The following SOAT1 variants were observed in gnomAD, a reference collection of about 807,000 sequenced individuals.
The protein encoded by SOAT1 is sterol O-acyltransferase 1, also known as acyl-coenzyme A:cholesterol acyltransferase 1.
In SOAT1, 55 loss-of-function variants were observed where a neutral mutation model predicts 69.5. That is an observed-to-expected ratio of 0.79 (90% confidence interval 0.64 to 0.99). The LOEUF (loss-of-function observed/expected upper bound fraction) is 0.99. Among genes scored for constraint, SOAT1 ranks in the 50% least tolerant of loss-of-function variants. The pLI, the probability that SOAT1 is intolerant of heterozygous loss-of-function variation, is 0.00. For synonymous variants in SOAT1, 231 were observed against 224.7 expected (o/e 1.03, Z -0.25); for missense variants, 580 against 669.3 (o/e 0.87, Z 1.47).
rs1666362514 is a variant in SOAT1, at chr1:179,342,212, C to G, written c.859+20C>G. ...AATCAAGTATGTAATTTCTTTTGTT[C>G]ATTATTTCTTCCTCCCCTCCCCTCC... On this transcript the variant is annotated intron_variant, in intron 8 of 15. Transcript: ENST00000367619. The G allele has an allele frequency of 1.3e-6, 2 of 1,593,882 alleles. No homozygotes were observed. Among genetic ancestry groups the G allele is most frequent in the Non-Finnish European group, 1.7e-6 (2 of 1,163,898 alleles).
chr1:179,312,757 A>G (rs929894331), intron 2 of SOAT1, among the ~76,000 whole-genome samples: 9 of 152,142 alleles, frequency 5.9e-5, no homozygotes, highest in African/African-American at 2.2e-4. Context: ...ATTTCTCTCT[A>G]AAGAGTTCTC....
intron 1 of SOAT1, among the ~76,000 whole-genome samples, chr1:179,298,098 A>G (rs1664713371): frequency 1.5e-5 from 2 of 136,758 alleles, no homozygotes; most frequent in Non-Finnish European, 3.1e-5. Context: ...AGGATGTTTG[A>G]AGGGGTTTAA....
At chr1:179,312,669 T>C (rs1476338505) in intron 2 of SOAT1, among the ~76,000 whole-genome samples, 1 of 152,200 alleles carries the variant, frequency 6.6e-6, no homozygotes, top group Admixed American at 6.5e-5. Flanking sequence ...CTTCAGGAGA[T>C]CTAAGAGCAG....
chr1:179,335,226 G>A (rs373404190), intron 3 of SOAT1, among the ~76,000 whole-genome samples: 20 of 151,962 alleles, frequency 1.3e-4, no homozygotes, highest in South Asian at 4.2e-4. Context: ...CAGTGGTGGC[G>A]CACACCTGTG....
chr1:179,351,122 C>T (rs1203514692), intron 14 of SOAT1, among the ~76,000 whole-genome samples, 195 bp from the exon 15 acceptor site: 1 of 148,016 alleles, frequency 6.8e-6, no homozygotes, highest in Admixed American at 6.9e-5. Context: ...CAGCTCACTG[C>T]AACCTCTGCC....
rs182601010 is a variant in SOAT1 at position 179,357,711 on chromosome 1, T to C, written c.*4070T>C. On this transcript the variant is annotated 3_prime_UTR_variant, in exon 16 of 16. Coordinates refer to ENST00000367619, the MANE Select transcript of SOAT1 (RefSeq NM_003101.6). ...AAGTTTGAGACCAGCCTGGGCAACA[T>C]AGCAAAACCTTGTCACTATAAAAAA... 1.4e-4 allele frequency: 21 copies of C among 152,278 alleles called. No homozygotes were observed. The highest frequency in any genetic ancestry group is 4.8e-4 in the African/African-American group (20 of 41,510). The allele number at this position is 152,278 out of a possible 1,614,324, so 9.4% of individuals were successfully genotyped here. A position where few individuals can be genotyped will look rare whatever the true frequency, so the allele number is the denominator to read the frequency against.
At chr1:179,301,439 G>A (rs1192129067) in intron 1 of SOAT1, among the ~76,000 whole-genome samples, 4 of 152,106 alleles carry the variant, frequency 2.6e-5, no homozygotes, top group African/African-American at 7.2e-5. Context: ...AGTAGTTAGT[G>A]GTCTTTGTAG....
chr1:179,310,691 G>A (rs1665192955), intron 2 of SOAT1, among the ~76,000 whole-genome samples: 1 of 152,222 alleles, frequency 6.6e-6, no homozygotes, highest in Admixed American at 6.5e-5. Context: ...GGAGAACAAA[G>A]TGAAGCTGAA....
chr1:179,297,906 G>T (rs1664706545), intron 1 of SOAT1, among the ~76,000 whole-genome samples: 1 of 151,142 alleles, frequency 6.6e-6, no homozygotes, highest in Non-Finnish European at 1.5e-5. Context: ...AGAGGCTGAG[G>T]CAGGAGAATC....
intron 1 of SOAT1, among the ~76,000 whole-genome samples, chr1:179,302,202 C>T (rs561211785): frequency 6.6e-6 from 1 of 152,182 alleles, no homozygotes; most frequent in African/African-American, 2.4e-5. Flanking sequence ...ATGATTAATG[C>T]AAAAGGAAGA....
At chr1:179,301,557 G>A (rs1356527245) in intron 1 of SOAT1, among the ~76,000 whole-genome samples, 1 of 152,146 alleles carries the variant, frequency 6.6e-6, no homozygotes, top group Non-Finnish European at 1.5e-5. Context: ...CTGGGGCTGT[G>A]GTGTGCATTC....
rs1434969946 is a variant in SOAT1, at chr1:179,348,906, C to T, written c.1278C>T (p.Asp426=). ...GAACCTGGAATGTGGTGGTCCATGA[C>T]TGGCTATATTACTATGCTTACAAGG... The part of the protein sequence containing the change: ...YYRTWNVVVH[D]WLYYYAYKDF... Residue 426 remains aspartate (D), a synonymous_variant, in exon 13 of 16, where the codon GAC becomes GAT. Transcript: ENST00000367619. 2 of 1,609,360 alleles carry T rather than the reference C, an allele frequency of 1.2e-6. No individual in the cohort carries two copies. The highest frequency in any genetic ancestry group is 1.3e-5 in the African/African-American group (1 of 74,706).
intron 2 of SOAT1, among the ~76,000 whole-genome samples, chr1:179,315,681 CTG>C (rs1263366438): frequency 3.9e-5 from 6 of 152,176 alleles, no homozygotes; most frequent in Admixed American, 3.9e-4. Flanking sequence ...TTCAGAGACT[CTG>C]TGAACAAATC....
chr1:179,351,372 G>C lies in SOAT1; in HGVS notation c.1506G>C (p.Leu502=), dbSNP rs149504397. 1 of 1,614,036 alleles carries C rather than the reference G, an allele frequency of 6.2e-7. No homozygotes were observed. Among genetic ancestry groups the C allele is most frequent in the East Asian group, 2.2e-5 (1 of 44,884 alleles). ...GGAAAAAGCCGATTTGGAATGTTCT[G>C]ATGTGGACTTCTCTTTTCTTGGGCA... is the stretch of plus-strand genomic sequence containing the variant. The part of the protein sequence containing the change: ...DSRKKPIWNV[L]MWTSLFLGNG... Residue 502 remains leucine, a synonymous_variant, in exon 15 of 16, where the codon CTG becomes CTC. Coordinates refer to ENST00000367619, the MANE Select transcript of SOAT1 (RefSeq NM_003101.6).
intron 14 of SOAT1, among the ~76,000 whole-genome samples, chr1:179,351,049 T>C (rs1666711070): frequency 5.3e-5 from 3 of 56,456 alleles, no homozygotes; most frequent in African/African-American, 7.1e-5. Flanking sequence ...TTTTTTTTTT[T>C]TTTTTTTTTT....
intron 2 of SOAT1, among the ~76,000 whole-genome samples, chr1:179,306,311 A>G (rs1436702473): frequency 6.6e-6 from 1 of 152,190 alleles, no homozygotes; most frequent in Non-Finnish European, 1.5e-5. Context: ...CAGGAGGACA[A>G]AAGTGGCTCT....
intron 1 of SOAT1, among the ~76,000 whole-genome samples, chr1:179,299,174 G>T: frequency 6.6e-6 from 1 of 152,152 alleles, no homozygotes; most frequent in African/African-American, 2.4e-5. Context: ...AACTTCAGAG[G>T]GTGAGTTGGA....
rs1361123692 is a variant in SOAT1, at chr1:179,293,848, C to G, written c.-97C>G. ...GGCCCTGGGCGCCAGGAGAGCTTCC[C>G]GGAGTCGACCTTCCTGCTGGCTGCT... On this transcript the variant is annotated 5_prime_UTR_variant, in exon 1 of 16. Transcript: ENST00000367619. 1.3e-5 allele frequency: 2 copies of G among 152,476 alleles called. No individual in the cohort carries two copies. Among genetic ancestry groups the G allele is most frequent in the Admixed American group, 6.5e-5 (1 of 15,292 alleles). 9.4% of individuals were successfully genotyped at this position (152,476 alleles called of 1,614,324 possible).
chr1:179,298,366 A>G (rs981866396), intron 1 of SOAT1, among the ~76,000 whole-genome samples: 7 of 152,146 alleles, frequency 4.6e-5, no homozygotes, highest in African/African-American at 1.2e-4. Flanking sequence ...GGGATTACAG[A>G]TGTATTCCAC....
Sources: gnomAD v4.1 joint callset for allele counts (sites outside exome capture counted in the v4.1 genomes callset) on GRCh38, gnomAD v4.1.1 for gene constraint, MANE v1.5 for transcripts, NCBI Gene and HGNC (gene_info 2026-07-23, HGNC 2026-07-21) for gene names.